Variants in PIK3C2A observed in about 807,000 individuals in gnomAD.
The protein encoded by PIK3C2A is phosphatidylinositol 4-phosphate 3-kinase C2 domain-containing subunit alpha.
A neutral mutation model predicts 204.5 loss-of-function variants in PIK3C2A; 97 were observed. The ratio of observed to expected loss-of-function variants is 0.47; its 90% CI spans 0.40 to 0.56. The LOEUF (loss-of-function observed/expected upper bound fraction) is 0.56, where lower values mean the gene tolerates loss of function less well. Among genes scored for constraint, PIK3C2A ranks in the 20% least tolerant of loss-of-function variants. The pLI, the probability that PIK3C2A is intolerant of heterozygous loss-of-function variation, is 0.00. For missense variants in PIK3C2A, 1,735 were observed against 1,969.2 expected (o/e 0.88, Z 2.25); for synonymous variants, 653 against 664.4 (o/e 0.98, Z 0.26).
At chr11:17,146,076 C>T in intron 6 of PIK3C2A, 134 bp from the exon 7 acceptor site, 1 of 591,828 alleles carries the variant, frequency 1.7e-6, no homozygotes, top group African/African-American at 1.9e-5. Flanking sequence ...AAAATTCTAT[C>T]AGAATTAAAT....
chr11:17,181,545 T>C (rs1851552275), intron 1 of PIK3C2A, among the ~76,000 whole-genome samples: 1 of 148,886 alleles, frequency 6.7e-6, no homozygotes, highest in African/African-American at 2.5e-5. Flanking sequence ...GGTAGGAAGA[T>C]CCCTTGAGCC....
At chr11:17,176,394 T>A (rs1324519757) in intron 1 of PIK3C2A, among the ~76,000 whole-genome samples, 23 of 151,894 alleles carry the variant, frequency 1.5e-4, no homozygotes. Context: ...GTGGGAAGAC[T>A]GCTTGAGCCC....
intron 15 of PIK3C2A, 70 bp from the exon 16 acceptor site, chr11:17,120,044 A>T: frequency 6.1e-6 from 4 of 654,174 alleles, no homozygotes; most frequent in Non-Finnish European, 9.6e-6. Flanking sequence ...GATTAAAAAT[A>T]CAAAGAAGAA....
At chr11:17,188,472 AG>A (rs1851832109) in intron 1 of PIK3C2A, among the ~76,000 whole-genome samples, 1 of 147,394 alleles carries the variant, frequency 6.8e-6, no homozygotes, top group Admixed American at 6.6e-5. Flanking sequence ...CAGCAGCATC[AG>A]GAGAAAACGT....
At chr11:17,207,008 T>C (rs2137600838) in intron 1 of PIK3C2A, among the ~76,000 whole-genome samples, 1 of 152,276 alleles carries the variant, frequency 6.6e-6, no homozygotes, top group South Asian at 2.1e-4. Flanking sequence ...GGAAAAGAAC[T>C]ACAACAGGCT....
chr11:17,130,211 C>T (rs1027966325), intron 12 of PIK3C2A, among the ~76,000 whole-genome samples: 1 of 151,990 alleles, frequency 6.6e-6, no homozygotes, highest in African/African-American at 2.4e-5. Flanking sequence ...TCTCTTCCCT[C>T]CCATGAAAAA....
At chr11:17,195,482 G>C (rs1158397925) in intron 1 of PIK3C2A, among the ~76,000 whole-genome samples, 1 of 152,124 alleles carries the variant, frequency 6.6e-6, no homozygotes, top group African/African-American at 2.4e-5. Flanking sequence ...CACTTTGGGA[G>C]GCCAGGGCAG....
chr11:17,137,784 C>T (rs969899826), intron 8 of PIK3C2A, among the ~76,000 whole-genome samples: 3 of 152,176 alleles, frequency 2.0e-5, no homozygotes, highest in South Asian at 2.1e-4. Context: ...GCTTTCCTTT[C>T]TGATACTAGA....
chr11:17,117,255 G>T (rs1385484173), intron 19 of PIK3C2A, among the ~76,000 whole-genome samples: 2 of 152,014 alleles, frequency 1.3e-5, no homozygotes, highest in Non-Finnish European at 2.9e-5. Flanking sequence ...TCATCAGAAA[G>T]GAATAAATAA....
intron 19 of PIK3C2A, among the ~76,000 whole-genome samples, chr11:17,117,194 A>G (rs1849222622): frequency 6.6e-6 from 1 of 152,200 alleles, no homozygotes; most frequent in Admixed American, 6.5e-5. Flanking sequence ...GGTGTGATGA[A>G]AATACTGTGG....
rs1255447425 is a variant in PIK3C2A at position 17,169,443 on chromosome 11, A to G, written c.299T>C (p.Leu100Pro). 1 of 1,614,196 alleles carries G rather than the reference A, an allele frequency of 6.2e-7. No homozygotes were observed. Among genetic ancestry groups the G allele is most frequent in the South Asian group, 1.1e-5 (1 of 91,084 alleles). Residue 100 changes from leucine to proline, a missense_variant, in exon 2 of 33, where the codon CTT (leucine) becomes CCT (proline). By Grantham distance (98) the Leu-to-Pro change is moderately conservative. Transcript: ENST00000691414. ...IDVEKLTQAELEKLLLDDSFE... is the reference protein window; with the variant it reads ...IDVEKLTQAEPEKLLLDDSFE... ...ACTGTCATCCAGCAATAGTTTCTCAAGTTCAGCTTGGGTGAGCTTTTCTAC... is the reference window on the plus strand; with the variant it reads ...ACTGTCATCCAGCAATAGTTTCTCAGGTTCAGCTTGGGTGAGCTTTTCTAC...
chr11:17,141,562 C>T (rs943545844), intron 8 of PIK3C2A, among the ~76,000 whole-genome samples: 14 of 152,182 alleles, frequency 9.2e-5, no homozygotes, highest in South Asian at 2.1e-4. Context: ...ACATAAACCA[C>T]GTTACATTTG....
chr11:17,155,475 G>A (rs1359777743), intron 3 of PIK3C2A, 51 bp downstream of exon 3: 1 of 994,636 alleles, frequency 1.0e-6, no homozygotes, highest in Non-Finnish European at 1.6e-6. Context: ...GCACTAAACT[G>A]GTTTTCAAGT....
At chr11:17,184,947 T>A (rs1851703351) in intron 1 of PIK3C2A, among the ~76,000 whole-genome samples, 1 of 147,800 alleles carries the variant, frequency 6.8e-6, no homozygotes, top group Non-Finnish European at 1.5e-5. Flanking sequence ...TAAAAAAGAT[T>A]TTTTTTTTTA....
chr11:17,102,391 C>A (rs988815030), intron 24 of PIK3C2A, among the ~76,000 whole-genome samples: 7 of 152,104 alleles, frequency 4.6e-5, no homozygotes, highest in African/African-American at 7.2e-5. Context: ...GAGCCGAGAT[C>A]GTGCCACTGC....
At chr11:17,207,296 T>A (rs994043596) in intron 1 of PIK3C2A, among the ~76,000 whole-genome samples, 1 of 151,826 alleles carries the variant, frequency 6.6e-6, no homozygotes, top group African/African-American at 2.4e-5. Context: ...CCAAAGCAAG[T>A]GGATTCGCGG....
chr11:17,168,900 A>T lies in PIK3C2A; in HGVS notation c.842T>A (p.Val281Glu). ...ATGGTCTAATACCTCCACATTATCC[A>T]CCTTAGGCTTACTTAGAGGATCCAA... ...LDLDPLSKPK[V>E]DNVEVLDHEE... The change falls in exon 2 of 33, where the codon GTG becomes GAG. Residue 281 changes from valine (V) to glutamate (E), a missense_variant. By Grantham distance (121) the Val-to-Glu change is moderately radical. Around this residue, in one of 6 missense-constraint regions of PIK3C2A, gnomAD observed 536 missense variants for 546.7 expected, o/e 0.98. Transcript: ENST00000691414. 1.2e-6 allele frequency: 2 copies of T among 1,614,058 alleles called. No individual in the cohort carries two copies. The highest frequency in any genetic ancestry group is 1.7e-6 in the Non-Finnish European group (2 of 1,179,980).
intron 2 of PIK3C2A, among the ~76,000 whole-genome samples, chr11:17,164,353 TAA>T (rs371924444): frequency 5.8e-4 from 78 of 134,684 alleles, no homozygotes; most frequent in Non-Finnish European, 5.3e-4. Context: ...GACCCTGTCT[TAA>T]AAAAAAAAAA....
At chr11:17,160,604 G>A (rs945656101) in intron 2 of PIK3C2A, among the ~76,000 whole-genome samples, 1 of 152,080 alleles carries the variant, frequency 6.6e-6, no homozygotes, top group African/African-American at 2.4e-5. Flanking sequence ...CAGGTGGATA[G>A]CTCTAGTCCA....
Sources: gnomAD v4.1 joint callset for allele counts (sites outside exome capture counted in the v4.1 genomes callset) on GRCh38, gnomAD v4.1.1 for gene constraint, gnomAD v4.1.1 regional missense constraint, MANE v1.5 for transcripts, NCBI Gene and HGNC (gene_info 2026-07-23, HGNC 2026-07-21) for gene names.